ESRP1: variants seen among roughly 807,000 people sequenced by gnomAD.
ESRP1 encodes the protein RNA-binding motif protein 35A.
In ESRP1, 33 loss-of-function variants were observed where a neutral mutation model predicts 81.7. The ratio of observed to expected loss-of-function variants is 0.40; its 90% CI spans 0.31 to 0.54. The LOEUF (loss-of-function observed/expected upper bound fraction) is 0.54. Among genes scored for constraint, ESRP1 ranks in the 20% least tolerant of loss-of-function variants. The probability of loss-of-function intolerance (pLI) is 0.41; values close to 1 mark genes in which losing one functional copy is unlikely to be tolerated. For synonymous variants in ESRP1, 320 were observed against 303.3 expected (o/e 1.06, Z -0.57); for missense variants, 672 against 833.1 (o/e 0.81, Z 2.38).
intron 13 of ESRP1, among the ~76,000 whole-genome samples, chr8:94,684,613 G>T (rs1033162010): frequency 2.6e-5 from 4 of 152,132 alleles, no homozygotes; most frequent in African/African-American, 9.7e-5. Context: ...ACAAAGCAGT[G>T]ATAATTAGAT....
At chr8:94,647,003 C>A (rs1817887926) in intron 4 of ESRP1, among the ~76,000 whole-genome samples, 1 of 152,112 alleles carries the variant, frequency 6.6e-6, no homozygotes, top group South Asian at 2.1e-4. Context: ...AGTGGCTTCC[C>A]AAAAGCCACT....
At chr8:94,667,475 TCTTGGGAG>T (rs1819090191) in intron 9 of ESRP1, among the ~76,000 whole-genome samples, 1 of 152,098 alleles carries the variant, frequency 6.6e-6, no homozygotes, top group South Asian at 2.1e-4. Context: ...CAGATGGTTT[TCTTGGGAG>T]CAAAAGAGTA....
chr8:94,658,073 G>A (rs55996054), intron 4 of ESRP1, among the ~76,000 whole-genome samples: 17,587 of 152,100 alleles, frequency 0.12, 1,259 homozygotes, highest in East Asian at 0.17. Context: ...CACCACATCC[G>A]GCTAATTTTT....
intron 13 of ESRP1, among the ~76,000 whole-genome samples, chr8:94,685,505 C>T (rs1809102674): frequency 2.0e-5 from 3 of 151,970 alleles, no homozygotes; most frequent in Admixed American, 6.6e-5. Context: ...GAGACCCTGT[C>T]TCAGAAAACA....
At position 94,664,773 on chromosome 8, in the gene ESRP1, A is replaced by G. The variant is rs1490346931; in HGVS notation, c.721A>G (p.Ile241Val). 6.2e-7 allele frequency: 1 copy of G among 1,613,954 alleles called. No homozygotes were observed. Among genetic ancestry groups the G allele is most frequent in the East Asian group, 2.2e-5 (1 of 44,886 alleles). ...ACCATGGCAGTCTTCAGATCAAGAT[A>G]TTGCAAGATTCTTCAAAGGACTCAA... ...GLPWQSSDQD[I>V]ARFFKGLNIA... The change falls in exon 7 of 16, where the codon ATT becomes GTT. Residue 241 changes from isoleucine to valine, a missense_variant. Physicochemically the swap from Ile to Val is conservative, Grantham distance 29. Transcript: ENST00000433389.
rs376944851 is a variant in ESRP1 at position 94,671,547 on chromosome 8, T to G, written c.1328T>G (p.Val443Gly). The G allele has an allele frequency of 6.2e-7, 1 of 1,613,814 alleles. No individual in the cohort carries two copies. Among genetic ancestry groups the G allele is most frequent in the African/African-American group, 1.3e-5 (1 of 74,908 alleles). Residue 443 changes from valine (V) to glycine (G), a missense_variant, in exon 11 of 16, where the codon GTT (valine) becomes GGT (glycine). Physicochemically the swap from Val to Gly is moderately radical, Grantham distance 109 (BLOSUM62 -3). Transcript: ENST00000433389. ...CAGCAATTTGTGCCCCCTACAAATG[T>G]TAGAGACTGTATACGCCTTCGAGGT... ...LPQQFVPPTN[V>G]RDCIRLRGLP...
At chr8:94,667,617 G>C (rs1334500227) in intron 9 of ESRP1, among the ~76,000 whole-genome samples, 2 of 152,098 alleles carry the variant, frequency 1.3e-5, no homozygotes, top group African/African-American at 4.8e-5. Flanking sequence ...ACTTGACTAA[G>C]ATTATGCCCT....
chr8:94,668,422 T>TAC (rs1261290467), intron 10 of ESRP1, 172 bp downstream of exon 10: 7 of 575,544 alleles, frequency 1.2e-5, no homozygotes, highest in African/African-American at 3.7e-5. Context: ...TGTTATCCTG[T>TAC]ACACACACAC....
Position 94,641,288 on chromosome 8 carries a change from A to T in ESRP1, c.-31A>T. 9.7e-6 allele frequency: 10 copies of T among 1,030,340 alleles called. No homozygotes were observed. The highest frequency in any genetic ancestry group is 1.5e-5 in the Non-Finnish European group (10 of 679,822). The allele number at this position is 1,030,340 out of a possible 1,614,324, so 63.8% of individuals were successfully genotyped here. A position where few individuals can be genotyped will look rare whatever the true frequency, so the allele number is the denominator to read the frequency against. ...TTCCACACCACCTTACCGCCTCCCG[A>T]CCCCCCCTCTCCCCCTCCCCACCTA... On this transcript the variant is annotated 5_prime_UTR_variant, in exon 1 of 16. Coordinates refer to ENST00000433389, the MANE Select transcript of ESRP1 (RefSeq NM_017697.4).
In ESRP1 at chr8:94,643,344, G is replaced by A. The variant is rs137914711; in HGVS notation, c.303G>A (p.Gly101=). The A allele has an allele frequency of 6.9e-5, 112 of 1,613,774 alleles. No individual in the cohort carries two copies. In the African/African-American group the frequency reaches 1.4e-3, roughly 20 times the overall value. ...SVSNELNIGV[G]TSFCLCTDGQ... ...GCAATGAACTGAATATTGGAGTAGG[G>A]ACTTCCTTCTGTCTCTGTACTGATG... is the stretch of plus-strand genomic sequence containing the variant. The change falls in exon 3 of 16, where the codon GGG becomes GGA. Residue 101 remains glycine, a synonymous_variant. Coordinates refer to ENST00000433389, the MANE Select transcript of ESRP1 (RefSeq NM_017697.4).
At chr8:94,702,882 G>A (rs1269818352) in intron 15 of ESRP1, among the ~76,000 whole-genome samples, 3 of 152,102 alleles carry the variant, frequency 2.0e-5, no homozygotes, top group African/African-American at 7.2e-5. Flanking sequence ...AGGGATTATA[G>A]GTTCATTCTG....
At chr8:94,672,027 G>A (rs1347500107) in intron 11 of ESRP1, among the ~76,000 whole-genome samples, 2 of 152,046 alleles carry the variant, frequency 1.3e-5, no homozygotes, top group East Asian at 1.9e-4. Context: ...TATCAATAGC[G>A]TCAAGTAGGC....
At chr8:94,642,664 C>T (rs777613199) in intron 2 of ESRP1, among the ~76,000 whole-genome samples, 1 of 152,180 alleles carries the variant, frequency 6.6e-6, no homozygotes, top group Non-Finnish European at 1.5e-5. Context: ...CAAGGCTGCC[C>T]GTTGTGTCAC....
intron 4 of ESRP1, among the ~76,000 whole-genome samples, chr8:94,661,246 G>A (rs1022353123): frequency 6.6e-6 from 1 of 152,042 alleles, no homozygotes; most frequent in Non-Finnish European, 1.5e-5. Flanking sequence ...TCACCATATT[G>A]GCCAGGCTTG....
chr8:94,649,185 C>T (rs867491940), intron 4 of ESRP1, among the ~76,000 whole-genome samples: 11 of 152,178 alleles, frequency 7.2e-5, no homozygotes, highest in African/African-American at 2.4e-4. Context: ...ATACTCCAGC[C>T]CAGGTGACAG....
chr8:94,652,111 C>A (rs1233363950), intron 4 of ESRP1, among the ~76,000 whole-genome samples: 1 of 150,400 alleles, frequency 6.6e-6, no homozygotes, highest in African/African-American at 2.4e-5. Flanking sequence ...TCTCAGCCTC[C>A]CAAGTAGGTG....
chr8:94,680,617 G>C (rs1219788057), intron 13 of ESRP1, among the ~76,000 whole-genome samples: 2 of 151,974 alleles, frequency 1.3e-5, no homozygotes, highest in Non-Finnish European at 2.9e-5. Context: ...AGTAGAGAAG[G>C]GGTTTCTCCA....
At chr8:94,675,235 T>TAAAA (rs1323975774) in intron 12 of ESRP1, among the ~76,000 whole-genome samples, 2 of 152,226 alleles carry the variant, frequency 1.3e-5, no homozygotes, top group Non-Finnish European at 2.9e-5. Flanking sequence ...GAGTCTTTTT[T>TAAAA]ACACAATTTT....
chr8:94,668,475 G>T, intron 10 of ESRP1: 1 of 357,668 alleles, frequency 2.8e-6, no homozygotes. Flanking sequence ...TACTGCTATA[G>T]CTGGATTTTT....
Sources: gnomAD v4.1 joint callset for allele counts (sites outside exome capture counted in the v4.1 genomes callset) on GRCh38, gnomAD v4.1.1 for gene constraint, MANE v1.5 for transcripts, NCBI Gene and HGNC (gene_info 2026-07-23, HGNC 2026-07-21) for gene names.